PLK3: variants seen among roughly 807,000 people sequenced by gnomAD.
PLK3 encodes serine/threonine-protein kinase PLK3.
A neutral mutation model predicts 71.6 loss-of-function variants in PLK3; 41 were observed. The observed-to-expected ratio is 0.57, with a 90% CI of 0.45 to 0.74. The LOEUF (loss-of-function observed/expected upper bound fraction) is 0.74. Among genes scored for constraint, PLK3 ranks in the 30% least tolerant of loss-of-function variants. PLK3 has a pLI of 0.00. For synonymous variants in PLK3, 366 were observed against 355.4 expected (o/e 1.03, Z -0.33); for missense variants, 791 against 875.6 (o/e 0.90, Z 1.22).
At chr1:44,805,046 G>C in intron 13 of PLK3, 1 of 582,700 alleles carries the variant, frequency 1.7e-6, no homozygotes, top group Non-Finnish European at 3.1e-6. Flanking sequence ...GGAGCTTGCA[G>C]TGAGCAGAGA....
Position 44,803,150 on chromosome 1 carries a change from C to T in PLK3, c.945C>T (p.Thr315=). The T allele has an allele frequency of 1.9e-6, 3 of 1,613,872 alleles. No homozygotes were observed. The highest frequency in any genetic ancestry group is 2.2e-5 in the South Asian group (2 of 91,078). The change falls in exon 7 of 15, where the codon ACC becomes ACT. Residue 315 remains threonine, a synonymous_variant. Transcript: ENST00000372201. This position sits in a 1 kb window ranked among gnomAD's most constrained non-coding sequence, Gnocchi z 4.3. ...AGATCCTGCGCCATGACTTCTTTAC[C>T]AAGGTCTGTGGCTCCCCAGACCTCT... ...IDQILRHDFF[T]KGYTPDRLPI... is the part of the protein sequence containing the mutation.
Position 44,802,950 on chromosome 1 carries a change from T to C in PLK3, c.750-5T>C, listed in dbSNP as rs1483162203. 1.2e-6 allele frequency: 2 copies of C among 1,613,954 alleles called. No homozygotes were observed. On this transcript the variant is annotated splice_polypyrimidine_tract_variant and splice_region_variant and intron_variant, in intron 6 of 14. Transcript: ENST00000372201. ...TACTCCTGACCCCTTGGCCCTGCCC[T>C]ATAGGTACACGCTGCTCTGCGGGAG...
Position 44,804,006 on chromosome 1 carries a change from C to T in PLK3, c.1240C>T (p.Leu414=). The T allele has an allele frequency of 6.4e-7, 1 of 1,555,132 alleles. No homozygotes were observed. The highest frequency in any genetic ancestry group is 8.7e-7 in the Non-Finnish European group (1 of 1,147,714). ...APEDSSPRGT[L]ASSGDGFEEG... is the part of the protein sequence containing the mutation. ...TGAAGACAGCTCACCCCGTGGGACA[C>T]TGGCAAGCAGTGGAGATGGTGAGGA... The change falls in exon 10 of 15, where the codon CTG becomes TTG. Residue 414 remains leucine (L), a synonymous_variant. Transcript: ENST00000372201.
At position 44,803,605 on chromosome 1, in the gene PLK3, A is replaced by G; in HGVS notation, c.1078A>G (p.Asn360Asp). 1 of 1,613,642 alleles carries G rather than the reference A, an allele frequency of 6.2e-7. No homozygotes were observed. Among genetic ancestry groups the G allele is most frequent in the Non-Finnish European group, 8.5e-7 (1 of 1,179,652 alleles). The change falls in exon 9 of 15, where the codon AAT becomes GAT. Residue 360 changes from asparagine (N) to aspartate (D), a missense_variant. Physicochemically the swap from Asn to Asp is conservative, Grantham distance 23. Transcript: ENST00000372201. This position sits in a 1 kb window ranked among gnomAD's most constrained non-coding sequence, Gnocchi z 4.3. ...SLFGRKKKSKNHAQERDEVSG... is the reference protein window; with the variant it reads ...SLFGRKKKSKDHAQERDEVSG... ...GTATCACCTTTCACCCCCAGGTAAG[A>G]ATCATGCCCAGGAGAGGGATGAGGT...
intron 13 of PLK3, 86 bp from the exon 14 acceptor site, chr1:44,805,180 G>A: frequency 1.2e-6 from 1 of 855,546 alleles, no homozygotes; most frequent in Non-Finnish European, 2.0e-6. Flanking sequence ...GGTTGGGGTT[G>A]CTGAAAGCTA....
rs373034569 is a variant in PLK3, at chr1:44,804,695, C to T, written c.1551C>T (p.Ser517=). The T allele has an allele frequency of 8.7e-6, 14 of 1,613,928 alleles. No individual in the cohort carries two copies. The highest frequency in any genetic ancestry group is 8.0e-5 in the African/African-American group (6 of 74,908). Residue 517 remains serine (S), a synonymous_variant, in exon 13 of 15, where the codon TCC becomes TCT. Transcript: ENST00000372201. ...NPTSTKHFSF[S]VGAVPRALQP... The stretch of plus-strand genomic sequence containing the variant: ...CCAGCACAAAGCACTTCTCCTTCTC[C>T]GTGGGTGCTGTGCCCCGGGCCCTGC...
intron 14 of PLK3, 28 bp from the exon 15 acceptor site, chr1:44,805,459 C>A: frequency 6.2e-7 from 1 of 1,613,000 alleles, no homozygotes; most frequent in Non-Finnish European, 8.5e-7. Context: ...GAGCCTAGGT[C>A]CTGACCACTG....
In PLK3 at chr1:44,804,509, C is replaced by T. The variant is rs373520658; in HGVS notation, c.1505+8C>T. 34 of 1,613,750 alleles carry T rather than the reference C, an allele frequency of 2.1e-5. No individual in the cohort carries two copies. In the African/African-American group the frequency reaches 4.5e-4, roughly 22 times the overall value. On this transcript the variant is annotated splice_region_variant and intron_variant, in intron 12 of 14. Transcript: ENST00000372201. ...CCTGTCGGCCAACAGAAAGTAAGTG[C>T]TGTTATGGGGTGCCTTGTATTCAGG...
At chr1:44,804,599 A>G in intron 12 of PLK3, 51 bp from the exon 13 acceptor site, 2 of 1,605,302 alleles carry the variant, frequency 1.2e-6, no homozygotes, top group Non-Finnish European at 1.7e-6. Flanking sequence ...GGTTTCTCAG[A>G]GGAGGGGCAT....
At position 44,805,673 on chromosome 1, in the gene PLK3, G is replaced by C; in HGVS notation, c.1936G>C (p.Ala646Pro). 5.0e-6 allele frequency: 8 copies of C among 1,611,474 alleles called. No individual in the cohort carries two copies. The highest frequency in any genetic ancestry group is 6.8e-6 in the Non-Finnish European group (8 of 1,179,884). ...ALRLLRDRSP[A>P] is the part of the protein sequence containing the mutation. ...GCGCCTGCTCCGGGACCGCAGCCCA[G>C]CCTAGGACCCAAGCCCTGAGGCCTG... Residue 646 changes from alanine (A) to proline (P), a missense_variant, in exon 15 of 15, where the codon GCC (alanine) becomes CCC (proline). Ala to Pro is a conservative substitution (Grantham distance 27). Coordinates refer to ENST00000372201, the MANE Select transcript of PLK3 (RefSeq NM_004073.4).
chr1:44,800,758 G>C lies in PLK3; in HGVS notation c.211-82G>C. Reference sequence around the variant, plus strand: ...TTTTCTGGCGCCGAGCAGGGCGTGGGCACTTGACCCCCAACGCGGGGACGC... The same window carrying C: ...TTTTCTGGCGCCGAGCAGGGCGTGGCCACTTGACCCCCAACGCGGGGACGC... On this transcript the variant is annotated intron_variant, in intron 1 of 14. Coordinates refer to ENST00000372201, the MANE Select transcript of PLK3 (RefSeq NM_004073.4). This position sits in a 1 kb window ranked among gnomAD's most constrained non-coding sequence, Gnocchi z 6.5. The C allele has an allele frequency of 6.5e-7, 1 of 1,542,380 alleles. No homozygotes were observed. The highest frequency in any genetic ancestry group is 8.7e-7 in the Non-Finnish European group (1 of 1,144,592).
In PLK3 at chr1:44,800,469, G is replaced by T; in HGVS notation, c.6G>T (p.Glu2Asp). The T allele has an allele frequency of 7.1e-7, 1 of 1,410,430 alleles. No individual in the cohort carries two copies. The highest frequency in any genetic ancestry group is 9.2e-7 in the Non-Finnish European group (1 of 1,087,838). The allele number at this position is 1,410,430 out of a possible 1,614,324, so 87.4% of individuals were successfully genotyped here. Residue 2 changes from glutamate to aspartate, a missense_variant, in exon 1 of 15, where the codon GAG becomes GAT. Glu to Asp is a conservative substitution (Grantham distance 45). Transcript: ENST00000372201. This position sits in a 1 kb window ranked among gnomAD's most constrained non-coding sequence, Gnocchi z 6.5. The part of the protein sequence containing the change: M[E>D]PAAGFLSPRP... ...CGCTGCGACGCGCCGGCCGCATGGA[G>T]CCTGCCGCCGGTTTCCTGTCTCCGC...
At position 44,804,039 on chromosome 1, in the gene PLK3, AG is replaced by A; in HGVS notation, c.1258+17del. 1 of 1,547,968 alleles carries A rather than the reference AG, an allele frequency of 6.5e-7. No homozygotes were observed. Among genetic ancestry groups the A allele is most frequent in the Non-Finnish European group, 8.8e-7 (1 of 1,136,612 alleles). ...CAGTGGAGATGGTGAGGAGCCAGGGAGGATGAGAGGTGATAGAGGTTGCTGG... is the reference window on the plus strand; with the variant it reads ...CAGTGGAGATGGTGAGGAGCCAGGGAGATGAGAGGTGATAGAGGTTGCTGG... On this transcript the variant is annotated intron_variant, in intron 10 of 14. Coordinates refer to ENST00000372201, the MANE Select transcript of PLK3 (RefSeq NM_004073.4).
Position 44,800,461 on chromosome 1 carries a change from C to A in PLK3, c.-3C>A, listed in dbSNP as rs1573609913. ...CGGGACCGCGCTGCGACGCGCCGGC[C>A]GCATGGAGCCTGCCGCCGGTTTCCT... On this transcript the variant is annotated 5_prime_UTR_variant, in exon 1 of 15. Coordinates refer to ENST00000372201, the MANE Select transcript of PLK3 (RefSeq NM_004073.4). This position sits in a 1 kb window ranked among gnomAD's most constrained non-coding sequence, Gnocchi z 6.5. The A allele has an allele frequency of 5.1e-6, 7 of 1,370,610 alleles. No individual in the cohort carries two copies. The highest frequency in any genetic ancestry group is 3.7e-6 in the Non-Finnish European group (4 of 1,068,310). 84.9% of individuals were successfully genotyped at this position (1,370,610 alleles called of 1,614,324 possible). A position where few individuals can be genotyped will look rare whatever the true frequency, so the allele number is the denominator to read the frequency against.
Position 44,800,488 on chromosome 1 carries a change from T to C in PLK3, c.25T>C (p.Ser9Pro). The C allele has an allele frequency of 7.0e-7, 1 of 1,432,920 alleles. No individual in the cohort carries two copies. Among genetic ancestry groups the C allele is most frequent in the South Asian group, 1.4e-5 (1 of 71,768 alleles). 88.8% of individuals were successfully genotyped at this position (1,432,920 alleles called of 1,614,324 possible). ...CATGGAGCCTGCCGCCGGTTTCCTG[T>C]CTCCGCGCCCCTTCCAGCGTGCGGC... MEPAAGFL[S>P]PRPFQRAAAA... The change falls in exon 1 of 15, where the codon TCT (serine) becomes CCT (proline). Residue 9 changes from serine to proline, a missense_variant. Ser to Pro is a moderately conservative substitution (Grantham distance 74, BLOSUM62 -1). Coordinates refer to ENST00000372201, the MANE Select transcript of PLK3 (RefSeq NM_004073.4). This position sits in a 1 kb window ranked among gnomAD's most constrained non-coding sequence, Gnocchi z 6.5.
Position 44,805,498 on chromosome 1 carries a change from C to A in PLK3, c.1761C>A (p.Tyr587Ter). Residue 587 changes from tyrosine (Y) to a stop codon, truncating the protein, a stop_gained, in exon 15 of 15, where the codon TAC becomes TAA. Coordinates refer to ENST00000372201, the MANE Select transcript of PLK3 (RefSeq NM_004073.4). LOFTEE classifies it high-confidence loss of function. Reference sequence around the variant, plus strand: ...TGCTCTGTGTGCAGGTGAACTTCTACGGGGACCACACCAAGCTGATTCTCA... The same window carrying A: ...TGCTCTGTGTGCAGGTGAACTTCTAAGGGGACCACACCAAGCTGATTCTCA... ...FSDGTVQVNF[Y>*]GDHTKLILSG... The A allele has an allele frequency of 6.2e-7, 1 of 1,614,112 alleles. No homozygotes were observed. Among genetic ancestry groups the A allele is most frequent in the Non-Finnish European group, 8.5e-7 (1 of 1,179,950 alleles).
At chr1:44,801,385 T>A (rs946746496) in intron 3 of PLK3, among the ~76,000 whole-genome samples, 1 of 151,958 alleles carries the variant, frequency 6.6e-6, no homozygotes, top group African/African-American at 2.4e-5. Context: ...AATTTTTGTA[T>A]TTTTAGTAGA....
At position 44,803,732 on chromosome 1, in the gene PLK3, C is replaced by A; in HGVS notation, c.1164+41C>A. On this transcript the variant is annotated intron_variant, in intron 9 of 14. Coordinates refer to ENST00000372201, the MANE Select transcript of PLK3 (RefSeq NM_004073.4). This position sits in a 1 kb window ranked among gnomAD's most constrained non-coding sequence, Gnocchi z 4.3. ...GGACACTGTTCCCCTGACTCACCCC[C>A]ACCCTAGCAGCTGAGGGAAGCCGGG... 1.4e-6 allele frequency: 2 copies of A among 1,462,886 alleles called. No individual in the cohort carries two copies. The highest frequency in any genetic ancestry group is 1.9e-6 in the Non-Finnish European group (2 of 1,051,950). 90.6% of individuals were successfully genotyped at this position (1,462,886 alleles called of 1,614,324 possible). A position where few individuals can be genotyped will look rare whatever the true frequency, so the allele number is the denominator to read the frequency against.
At position 44,803,482 on chromosome 1, in the gene PLK3, A is replaced by G; in HGVS notation, c.1072+91A>G. 2 of 1,594,130 alleles carry G rather than the reference A, an allele frequency of 1.3e-6. No individual in the cohort carries two copies. Among genetic ancestry groups the G allele is most frequent in the African/African-American group, 1.3e-5 (1 of 74,512 alleles). ...GGTGTGTGAGTGTGGGTGCCTGGAA[A>G]CTCCTGGGGAGAGCATGTGCAGTAC... is the stretch of plus-strand genomic sequence containing the variant. On this transcript the variant is annotated intron_variant, in intron 8 of 14. Transcript: ENST00000372201. The surrounding 1 kb of genome is among the most constrained non-coding windows in gnomAD (Gnocchi z 4.3).
Sources: gnomAD v4.1 joint callset for allele counts (sites outside exome capture counted in the v4.1 genomes callset) on GRCh38, gnomAD v4.1.1 for gene constraint, Gnocchi (gnomAD v3.1) non-coding constraint, MANE v1.5 for transcripts, NCBI Gene and HGNC (gene_info 2026-07-23, HGNC 2026-07-21) for gene names.